The following ALPK2 variants were observed in gnomAD, a reference collection of about 807,000 sequenced individuals.
ALPK2 encodes alpha kinase 2, also known as alpha-protein kinase 2.
ALPK2 carries 127 observed loss-of-function variants against 163.1 expected under a neutral mutation model. That is an observed-to-expected ratio of 0.78 (90% confidence interval 0.67 to 0.90). The LOEUF (loss-of-function observed/expected upper bound fraction) is 0.90. Ranked by LOEUF, ALPK2 falls within the 40% of genes least tolerant of loss-of-function variation. The probability of loss-of-function intolerance (pLI) is 0.00; values close to 1 mark genes in which losing one functional copy is unlikely to be tolerated. For synonymous variants in ALPK2, 953 were observed against 959.1 expected, an observed-to-expected ratio of 0.99 and a Z score of 0.12; for missense variants, 2,360 against 2,589.6, an observed-to-expected ratio of 0.91 and a Z score of 1.92.
chr18:58,544,153 A>G (rs190037119), intron 4 of ALPK2: 12 of 152,358 alleles, frequency 7.9e-5, no homozygotes, highest in Admixed American at 7.8e-4. Flanking sequence ...AGGAGGGGAA[A>G]GGGTAAACCA....
chr18:58,521,627 CTTTTT>C (rs398033036), intron 8 of ALPK2, among the ~76,000 whole-genome samples: 4 of 55,374 alleles, frequency 7.2e-5, no homozygotes, highest in Non-Finnish European at 1.4e-4. Context: ...TTCTCTCTCT[CTTTTT>C]TTTTTTTTTT....
At chr18:58,513,392 C>T (rs1009773091) in intron 10 of ALPK2, among the ~76,000 whole-genome samples, 13 of 152,146 alleles carry the variant, frequency 8.5e-5, no homozygotes, top group African/African-American at 3.1e-4. Flanking sequence ...CATGTGGTCA[C>T]AAACTGTCCC....
chr18:58,588,893 C>A (rs1296343857), intron 3 of ALPK2, among the ~76,000 whole-genome samples: 1 of 152,170 alleles, frequency 6.6e-6, no homozygotes, highest in African/African-American at 2.4e-5. Context: ...CTGCAATGAA[C>A]ATATGCGTGC....
At chr18:58,600,429 G>A (rs769965656) in intron 3 of ALPK2, among the ~76,000 whole-genome samples, 18 of 152,148 alleles carry the variant, frequency 1.2e-4, no homozygotes, top group African/African-American at 2.2e-4. Context: ...TCTGGCAAAC[G>A]GTTTAGGTTT....
Position 58,538,169 on chromosome 18 carries a change from A to G in ALPK2, c.2018T>C (p.Phe673Ser), listed in dbSNP as rs760462865. ...ETISCSQMPA[F>S]SEPAGEESPF... The stretch of plus-strand genomic sequence containing the variant: ...GGACTCCTCCCCAGCAGGCTCTGAG[A>G]AAGCTGGCATCTGGCTGCAAGAGAT... The change falls in exon 5 of 13, where the codon TTC becomes TCC. Residue 673 changes from phenylalanine (F) to serine (S), a missense_variant. Physicochemically the swap from Phe to Ser is radical, Grantham distance 155. Transcript: ENST00000361673. 1 of 1,613,548 alleles carries G rather than the reference A, an allele frequency of 6.2e-7. No individual in the cohort carries two copies. Among genetic ancestry groups the G allele is most frequent in the African/African-American group, 1.3e-5 (1 of 74,914 alleles).
rs375259735 is a variant in ALPK2, at chr18:58,546,302, A to T, written c.1963-8078T>A. Among the ~76,000 whole-genome samples, 4 of 152,172 alleles carry T rather than the reference A, an allele frequency of 2.6e-5. No homozygotes were observed. In the East Asian group the frequency reaches 7.7e-4, roughly 29 times the overall value. ...ATTCTGTCTTCATTTCTTGAGAGTC[A>T]TAGAGTTTGTAAAATACTGATTTGA... On this transcript the variant is annotated intron_variant, in intron 4 of 12. Coordinates refer to ENST00000361673, the MANE Select transcript of ALPK2 (RefSeq NM_052947.4).
chr18:58,512,910 T>C (rs1171518831), intron 10 of ALPK2, among the ~76,000 whole-genome samples: 57 of 129,506 alleles, frequency 4.4e-4, no homozygotes, highest in Non-Finnish European at 7.4e-4. Flanking sequence ...ATGTGTGTGG[T>C]GTATGTGTGA....
chr18:58,532,825 G>A (rs1291105980), intron 5 of ALPK2, among the ~76,000 whole-genome samples: 1 of 152,178 alleles, frequency 6.6e-6, no homozygotes, highest in Non-Finnish European at 1.5e-5. Flanking sequence ...GAGGCACCCA[G>A]AGGCTAAGGC....
intron 8 of ALPK2, 26 bp downstream of exon 8, chr18:58,523,780 T>C: frequency 6.2e-7 from 1 of 1,614,194 alleles, no homozygotes; most frequent in Non-Finnish European, 8.5e-7. Flanking sequence ...CCATTTCCTC[T>C]GGCAGGTCAA....
At chr18:58,522,127 G>T (rs1461971935) in intron 8 of ALPK2, among the ~76,000 whole-genome samples, 2 of 152,142 alleles carry the variant, frequency 1.3e-5, no homozygotes, top group South Asian at 4.1e-4. Context: ...TCCTAAAACT[G>T]ACCGTGGATC....
intron 4 of ALPK2, among the ~76,000 whole-genome samples, chr18:58,567,795 A>C (rs2051864046): frequency 6.6e-6 from 1 of 152,210 alleles, no homozygotes; most frequent in Admixed American, 6.5e-5. Context: ...TTGTATTTTA[A>C]CAGAATTTCA....
chr18:58,597,896 ACTCT>A (rs1169924218), intron 3 of ALPK2, among the ~76,000 whole-genome samples: 3 of 152,070 alleles, frequency 2.0e-5, no homozygotes, highest in South Asian at 2.1e-4. Context: ...GAGAGCTTGC[ACTCT>A]CTCTCTTTCT....
chr18:58,548,693 C>T (rs944530966), intron 4 of ALPK2, among the ~76,000 whole-genome samples: 4 of 152,122 alleles, frequency 2.6e-5, no homozygotes, highest in East Asian at 3.8e-4. Flanking sequence ...CAGGCAACAA[C>T]GATTACCTGC....
At chr18:58,542,020 A>ACTTCGAGTGAGTGCTGACACAATTTC (rs2051692316) in intron 4 of ALPK2, among the ~76,000 whole-genome samples, 1 of 152,194 alleles carries the variant, frequency 6.6e-6, no homozygotes, top group Non-Finnish European at 1.5e-5. Context: ...GAGTGCTGAA[A>ACTTCGAGTGAGTGCTGACACAATTTC]CTTCGAGTGA....
At chr18:58,540,352 T>C (rs1335723396) in intron 4 of ALPK2, among the ~76,000 whole-genome samples, 2 of 152,268 alleles carry the variant, frequency 1.3e-5, no homozygotes, top group Non-Finnish European at 2.9e-5. Context: ...CTGGTTATCC[T>C]GGTGTTCCCG....
chr18:58,624,524 G>C (rs1477339089), intron 1 of ALPK2, among the ~76,000 whole-genome samples: 1 of 151,568 alleles, frequency 6.6e-6, no homozygotes, highest in Non-Finnish European at 1.5e-5. Flanking sequence ...GCACGATTTC[G>C]GGTCACTGCA....
At position 58,557,656 on chromosome 18, in the gene ALPK2, A is replaced by G. The variant is rs893147227; in HGVS notation, c.1963-19432T>C. The stretch of plus-strand genomic sequence containing the variant: ...AACTATAGTGTGTGTGTATATATAT[A>G]CACATATATATACGTGTGTGTGTGT... On this transcript the variant is annotated intron_variant, in intron 4 of 12. Coordinates refer to ENST00000361673, the MANE Select transcript of ALPK2 (RefSeq NM_052947.4). Among the ~76,000 whole-genome samples, 12 of 130,350 alleles carry G rather than the reference A, an allele frequency of 9.2e-5. No homozygotes were observed. The South Asian group carries it at 3.3e-3, about 35-fold the overall frequency. 85.5% of individuals were successfully genotyped at this position (130,350 alleles called of 152,430 possible). A position where few individuals can be genotyped will look rare whatever the true frequency, so the allele number is the denominator to read the frequency against.
At chr18:58,575,639 G>C (rs2051917215) in intron 4 of ALPK2, among the ~76,000 whole-genome samples, 1 of 152,186 alleles carries the variant, frequency 6.6e-6, no homozygotes, top group South Asian at 2.1e-4. Context: ...CCTTGCCTCT[G>C]AGTTGGATGA....
At chr18:58,618,409 T>C (rs1384959418) in intron 1 of ALPK2, among the ~76,000 whole-genome samples, 5 of 152,220 alleles carry the variant, frequency 3.3e-5, no homozygotes, top group African/African-American at 1.2e-4. Context: ...AGCAGAGTGA[T>C]GTGATGATGT....
Sources: allele counts gnomAD v4.1 joint callset (sites outside exome capture counted in the v4.1 genomes callset), GRCh38; gene constraint gnomAD v4.1.1; transcripts MANE v1.5; gene names NCBI Gene and HGNC (gene_info 2026-07-23, HGNC 2026-07-21).